Variants in TAS2R1 observed in about 807,000 individuals in gnomAD.
TAS2R1 encodes taste 2 receptor member 1, also known as taste receptor type 2 member 1.
For missense variants in TAS2R1, 370 were observed against 353.4 expected (o/e 1.05, Z -0.38); for synonymous variants, 141 against 134.2 (o/e 1.05, Z -0.35).
At chr5:9,885,044 ACT>A in the TAS2R1 span, among the ~76,000 whole-genome samples, 1 of 152,102 alleles carries the variant, frequency 6.6e-6, no homozygotes, top group Non-Finnish European at 1.5e-5. Context: ...ACATAAACTA[ACT>A]CTTTCAATCT....
At chr5:9,664,003 C>T (rs906187020) in intron 1 of TAS2R1, among the ~76,000 whole-genome samples, 3 of 152,174 alleles carry the variant, frequency 2.0e-5, no homozygotes, top group African/African-American at 4.8e-5. Context: ...CCAACACTAT[C>T]GACACCTTGA....
At chr5:9,793,203 T>C in the TAS2R1 span, among the ~76,000 whole-genome samples, 2 of 152,188 alleles carry the variant, frequency 1.3e-5, no homozygotes, top group African/African-American at 4.8e-5. Flanking sequence ...GTGGGCTTTT[T>C]GTTCCTGGAG....
the TAS2R1 span, among the ~76,000 whole-genome samples, chr5:9,808,118 G>T: frequency 1.3e-5 from 2 of 152,156 alleles, no homozygotes; most frequent in Admixed American, 1.3e-4. Flanking sequence ...CTAAAGGGGA[G>T]TCTGATGAAG....
the TAS2R1 span, among the ~76,000 whole-genome samples, chr5:9,857,430 T>C: frequency 6.6e-6 from 1 of 152,132 alleles, no homozygotes; most frequent in Non-Finnish European, 1.5e-5. Flanking sequence ...TGTGAACAAC[T>C]GGTATATATG....
At chr5:9,684,953 T>C (rs1055034068) in intron 1 of TAS2R1, among the ~76,000 whole-genome samples, 4 of 152,150 alleles carry the variant, frequency 2.6e-5, no homozygotes, top group Non-Finnish European at 5.9e-5. Flanking sequence ...TGAGGCATCT[T>C]CCTCCCCTGA....
the TAS2R1 span, among the ~76,000 whole-genome samples, chr5:9,735,038 A>T: frequency 6.6e-6 from 1 of 151,446 alleles, no homozygotes; most frequent in Non-Finnish European, 1.5e-5. Context: ...GGAAACTTAC[A>T]GTCGTGGCAG....
chr5:9,702,938 G>A (rs1741521922), intron 1 of TAS2R1, among the ~76,000 whole-genome samples: 1 of 152,084 alleles, frequency 6.6e-6, no homozygotes, highest in Non-Finnish European at 1.5e-5. Flanking sequence ...TCAGATGAAA[G>A]GGAGAGGCCA....
the TAS2R1 span, among the ~76,000 whole-genome samples, chr5:9,774,263 T>C: frequency 6.6e-6 from 1 of 152,214 alleles, no homozygotes; most frequent in Non-Finnish European, 1.5e-5. Flanking sequence ...AATTTCTGCT[T>C]GATTCTTTGT....
chr5:9,796,376 A>G, the TAS2R1 span, among the ~76,000 whole-genome samples: 1 of 152,140 alleles, frequency 6.6e-6, no homozygotes, highest in Admixed American at 6.5e-5. Flanking sequence ...ACTTGCTGTG[A>G]GCAGAACCTA....
chr5:9,781,421 C>T, the TAS2R1 span, among the ~76,000 whole-genome samples: 1 of 152,144 alleles, frequency 6.6e-6, no homozygotes, highest in African/African-American at 2.4e-5. Flanking sequence ...GCCTCCAGAG[C>T]TGCTTCTGCC....
At chr5:9,872,800 TA>T in the TAS2R1 span, among the ~76,000 whole-genome samples, 1 of 152,210 alleles carries the variant, frequency 6.6e-6, no homozygotes, top group Non-Finnish European at 1.5e-5. Context: ...AGGCAAAAGA[TA>T]ATAACCATAC....
chr5:9,695,870 T>C (rs1741346242), intron 1 of TAS2R1, among the ~76,000 whole-genome samples: 1 of 152,062 alleles, frequency 6.6e-6, no homozygotes, highest in Non-Finnish European at 1.5e-5. Context: ...TCTGGAGAAG[T>C]GAAGAGACGA....
At chr5:9,861,037 G>GTTTTTTTTTTTTTTTTTGTTTTTTTTTTT in the TAS2R1 span, among the ~76,000 whole-genome samples, 1 of 88,612 alleles carries the variant, frequency 1.1e-5, no homozygotes, top group Non-Finnish European at 2.2e-5. Context: ...GGAAGATGAG[G>GTTTTTTTTTTTTTTTTTGTTTTTTTTTTT]TTTTTTTTTT....
At chr5:9,851,612 T>G in the TAS2R1 span, among the ~76,000 whole-genome samples, 1 of 151,886 alleles carries the variant, frequency 6.6e-6, no homozygotes, top group Non-Finnish European at 1.5e-5. Context: ...CAGTTGGTCA[T>G]CTGCAGAATA....
chr5:9,838,335 C>T, the TAS2R1 span, among the ~76,000 whole-genome samples: 1 of 152,022 alleles, frequency 6.6e-6, no homozygotes, highest in East Asian at 1.9e-4. Context: ...TCCCAGAAGC[C>T]GAGTCTGAGA....
At chr5:9,759,714 C>G in the TAS2R1 span, among the ~76,000 whole-genome samples, 1 of 152,104 alleles carries the variant, frequency 6.6e-6, no homozygotes, top group Non-Finnish European at 1.5e-5. Context: ...TGAAAAGGAA[C>G]CAGGTTGTCA....
At chr5:9,888,467 C>T in the TAS2R1 span, among the ~76,000 whole-genome samples, 7 of 152,180 alleles carry the variant, frequency 4.6e-5, no homozygotes, top group African/African-American at 1.2e-4. Context: ...TCTGCTATCC[C>T]GGACCCAACA....
At chr5:9,691,291 G>GC (rs1199165633) in intron 1 of TAS2R1, among the ~76,000 whole-genome samples, 1 of 152,212 alleles carries the variant, frequency 6.6e-6, no homozygotes, top group African/African-American at 2.4e-5. Context: ...AATGCCTGGA[G>GC]CCCCCAGAAG....
chr5:9,690,927 C>T (rs1348685141), intron 1 of TAS2R1, among the ~76,000 whole-genome samples: 1 of 152,128 alleles, frequency 6.6e-6, no homozygotes, highest in East Asian at 1.9e-4. Flanking sequence ...TGAACACAGT[C>T]CATTCAAAAA....
Sources: gnomAD v4.1 joint callset for allele counts (sites outside exome capture counted in the v4.1 genomes callset) on GRCh38, gnomAD v4.1.1 for gene constraint, MANE v1.5 for transcripts, NCBI Gene and HGNC (gene_info 2026-07-23, HGNC 2026-07-21) for gene names.